Variants in VWC2 observed in about 807,000 individuals in gnomAD.
VWC2 encodes von Willebrand factor C domain containing 2, also known as brorin.
VWC2 carries 14 observed loss-of-function variants against 29.8 expected under a neutral mutation model. The observed-to-expected ratio is 0.47, with a 90% confidence interval of 0.31 to 0.74. VWC2 has a LOEUF of 0.74. Ranked by LOEUF, VWC2 falls within the 30% of genes least tolerant of loss-of-function variation. The pLI, the probability that VWC2 is intolerant of heterozygous loss-of-function variation, is 0.05. For missense variants in VWC2, 457 were observed against 459.8 expected, an observed-to-expected ratio of 0.99 and a Z score of 0.05; for synonymous variants, 213 against 199.0, an observed-to-expected ratio of 1.07 and a Z score of -0.59.
chr7:49,841,378 T>G (rs1180484552), intron 3 of VWC2, among the ~76,000 whole-genome samples: 2 of 151,918 alleles, frequency 1.3e-5, no homozygotes, highest in Non-Finnish European at 2.9e-5. Flanking sequence ...CTCAAAGTAC[T>G]GTAGGCAAGC....
At chr7:49,842,000 G>A (rs1789804929) in intron 3 of VWC2, among the ~76,000 whole-genome samples, 1 of 152,024 alleles carries the variant, frequency 6.6e-6, no homozygotes, top group African/African-American at 2.4e-5. Flanking sequence ...CTGAGTAGCT[G>A]GGATTACAGG....
At chr7:49,804,758 T>C (rs1225687909) in intron 3 of VWC2, among the ~76,000 whole-genome samples, 1 of 152,214 alleles carries the variant, frequency 6.6e-6, no homozygotes, top group African/African-American at 2.4e-5. Context: ...CCGTATTTGC[T>C]TTGTCTCTTT....
intron 3 of VWC2, among the ~76,000 whole-genome samples, chr7:49,810,766 G>A (rs899270732): frequency 6.6e-6 from 1 of 152,022 alleles, no homozygotes; most frequent in African/African-American, 2.4e-5. Context: ...TACCTCAATC[G>A]GGAAAGAATA....
intron 3 of VWC2, among the ~76,000 whole-genome samples, chr7:49,871,042 CA>C (rs896444853): frequency 2.6e-5 from 4 of 152,044 alleles, no homozygotes; most frequent in African/African-American, 9.7e-5. Flanking sequence ...TCCACAGAAC[CA>C]ATAAATTGGA....
At chr7:49,847,674 G>A (rs140877218) in intron 3 of VWC2, among the ~76,000 whole-genome samples, 1 of 152,322 alleles carries the variant, frequency 6.6e-6, no homozygotes, top group East Asian at 1.9e-4. Context: ...TAAAATATGA[G>A]CAAAAGCCCT....
At chr7:49,819,531 T>C (rs773681967) in intron 3 of VWC2, among the ~76,000 whole-genome samples, 3 of 152,160 alleles carry the variant, frequency 2.0e-5, no homozygotes, top group African/African-American at 4.8e-5. Context: ...AGGGGAAAAA[T>C]AACATAGGTT....
Position 49,776,151 on chromosome 7 carries a change from C to CG in VWC2, c.696+23dup. The CG allele has an allele frequency of 6.7e-7, 1 of 1,490,762 alleles. No homozygotes were observed. The highest frequency in any genetic ancestry group is 8.9e-7 in the Non-Finnish European group (1 of 1,118,980). The allele number at this position is 1,490,762 out of a possible 1,614,324, so 92.3% of individuals were successfully genotyped here. On this transcript the variant is annotated intron_variant, in intron 2 of 3. Coordinates refer to ENST00000340652, the MANE Select transcript of VWC2 (RefSeq NM_198570.5). ...TTCGTGGTAAGATGCGAACGCCCGCCGGGCGACTTTGCACCTTCCAGGAAG... is the reference window on the plus strand; with the variant it reads ...TTCGTGGTAAGATGCGAACGCCCGCCGGGGCGACTTTGCACCTTCCAGGAAG...
At position 49,775,534 on chromosome 7, in the gene VWC2, G is replaced by A. The variant is rs752285112; in HGVS notation, c.99G>A (p.Leu33=). The change falls in exon 2 of 4, where the codon CTG becomes CTA. Residue 33 remains leucine, a synonymous_variant. Transcript: ENST00000340652. ...CTCTGTGCAGTCCGAGCATCCCGCTGGAGAAGCTGGCCCAGGCACCAGAGC... is the reference window on the plus strand; with the variant it reads ...CTCTGTGCAGTCCGAGCATCCCGCTAGAGAAGCTGGCCCAGGCACCAGAGC... ...MVALCSPSIP[L]EKLAQAPEQP... 1.3e-6 allele frequency: 2 copies of A among 1,570,692 alleles called. No individual in the cohort carries two copies. The highest frequency in any genetic ancestry group is 1.7e-6 in the Non-Finnish European group (2 of 1,162,476).
intron 2 of VWC2, among the ~76,000 whole-genome samples, chr7:49,800,029 G>T (rs1332113091): frequency 6.6e-6 from 1 of 152,158 alleles, no homozygotes; most frequent in Non-Finnish European, 1.5e-5. Flanking sequence ...GGCTGAATCA[G>T]GATTTCTAAA....
In VWC2 at chr7:49,921,103, A is replaced by G. The variant is rs1283903561; in HGVS notation, c.*8918A>G. ...TCATCAGTCACCACCTTTCCTGCATATCTGACAGATGGAGAACACTGTGCT... is the reference window on the plus strand; with the variant it reads ...TCATCAGTCACCACCTTTCCTGCATGTCTGACAGATGGAGAACACTGTGCT... On this transcript the variant is annotated 3_prime_UTR_variant, in exon 4 of 4. Transcript: ENST00000340652. 6.6e-6 allele frequency: 1 copy of G among 152,236 alleles called. No homozygotes were observed. Among genetic ancestry groups the G allele is most frequent in the African/African-American group, 2.4e-5 (1 of 41,462 alleles). The allele number at this position is 152,236 out of a possible 1,614,324, so 9.4% of individuals were successfully genotyped here. A position where few individuals can be genotyped will look rare whatever the true frequency, so the allele number is the denominator to read the frequency against.
At chr7:49,892,482 T>C (rs11185593) in intron 3 of VWC2, among the ~76,000 whole-genome samples, 112,066 of 152,150 alleles carry the variant, frequency 0.74, 41,478 homozygotes, top group East Asian at 0.89. Context: ...ATATACATTA[T>C]GATTATCTAA....
intron 3 of VWC2, among the ~76,000 whole-genome samples, chr7:49,857,901 G>C (rs921292852): frequency 6.6e-6 from 1 of 152,166 alleles, no homozygotes; most frequent in Non-Finnish European, 1.5e-5. Context: ...TCTGAGCTAA[G>C]TTTGGTGTTT....
At chr7:49,911,089 T>C (rs762059176) in intron 3 of VWC2, among the ~76,000 whole-genome samples, 1 of 152,346 alleles carries the variant, frequency 6.6e-6, no homozygotes, top group Non-Finnish European at 1.5e-5. Flanking sequence ...GTCTTAGTTA[T>C]GCTTTTTCTG....
chr7:49,901,412 G>C (rs1027936228), intron 3 of VWC2, among the ~76,000 whole-genome samples: 1 of 151,546 alleles, frequency 6.6e-6, no homozygotes, highest in African/African-American at 2.4e-5. Context: ...CTATATACTA[G>C]CAAATGACAA....
At chr7:49,904,259 C>A (rs926849562) in intron 3 of VWC2, among the ~76,000 whole-genome samples, 8 of 152,152 alleles carry the variant, frequency 5.3e-5, no homozygotes, top group Non-Finnish European at 7.4e-5. Context: ...TTACCGAGGA[C>A]TCCCATACCC....
chr7:49,873,343 C>T (rs1055732134), intron 3 of VWC2, among the ~76,000 whole-genome samples: 4 of 152,164 alleles, frequency 2.6e-5, no homozygotes, highest in Admixed American at 2.0e-4. Flanking sequence ...CCTATGTCCA[C>T]CTTGTAATGG....
intron 3 of VWC2, among the ~76,000 whole-genome samples, chr7:49,887,521 A>T (rs977994288): frequency 1.4e-5 from 1 of 73,412 alleles, no homozygotes; most frequent in Non-Finnish European, 2.7e-5. Context: ...GGTATTAGAT[A>T]ACACCATGCT....
At chr7:49,883,617 G>A (rs980044005) in intron 3 of VWC2, among the ~76,000 whole-genome samples, 2 of 151,930 alleles carry the variant, frequency 1.3e-5, no homozygotes, top group Admixed American at 1.3e-4. Context: ...CCAAAGTTGT[G>A]GAAATGATAA....
intron 3 of VWC2, among the ~76,000 whole-genome samples, chr7:49,894,588 C>A (rs1792289103): frequency 1.3e-5 from 2 of 152,236 alleles, no homozygotes; most frequent in African/African-American, 4.8e-5. Flanking sequence ...TGTACATATA[C>A]TGAGCTCTAG....
Sources: allele counts gnomAD v4.1 joint callset (sites outside exome capture counted in the v4.1 genomes callset), GRCh38; gene constraint gnomAD v4.1.1; transcripts MANE v1.5; gene names NCBI Gene and HGNC (gene_info 2026-07-23, HGNC 2026-07-21).